Variants in CSTA observed in about 807,000 individuals in gnomAD.
The protein encoded by CSTA is cystatin-A.
Under a neutral mutation model 9.2 loss-of-function variants are expected in CSTA, and 9 were observed. That is an observed-to-expected ratio of 0.97 (90% confidence interval 0.59 to 1.70). CSTA has a LOEUF of 1.70. Ranked by LOEUF, CSTA falls within the 40% of genes most tolerant of loss-of-function variation. The pLI is 0.00. For synonymous variants in CSTA, 36 were observed against 40.6 expected (o/e 0.89, Z 0.43); for missense variants, 118 against 113.1 (o/e 1.04, Z -0.20).
At chr3:122,334,365 G>T (rs548358907) in intron 1 of CSTA, among the ~76,000 whole-genome samples, 29 of 152,204 alleles carry the variant, frequency 1.9e-4, no homozygotes, top group African/African-American at 6.5e-4. Flanking sequence ...AGTAGTAAAG[G>T]TTCAAAACAT....
rs559909731 is a variant in CSTA at position 122,328,464 on chromosome 3, C to T, written c.66+3106C>T. Among the ~76,000 whole-genome samples the T allele has an allele frequency of 1.3e-4, 19 of 142,858 alleles. No homozygotes were observed. The East Asian group carries it at 3.8e-3, about 29-fold the overall frequency. 93.7% of individuals were successfully genotyped at this position (142,858 alleles called of 152,430 possible). On this transcript the variant is annotated intron_variant, in intron 1 of 2. Transcript: ENST00000264474. ...ACAGTGAGCCAAGATCATGACATTG[C>T]ACTCCAGCCTGGGCCACAGAACAAG...
chr3:122,334,009 G>A (rs771157394), intron 1 of CSTA, among the ~76,000 whole-genome samples: 3 of 152,210 alleles, frequency 2.0e-5, no homozygotes, highest in Non-Finnish European at 4.4e-5. Context: ...CTGGTGCCAA[G>A]TACTGGCCAT....
chr3:122,336,308 A>G (rs991136286), intron 1 of CSTA, among the ~76,000 whole-genome samples: 1 of 152,208 alleles, frequency 6.6e-6, no homozygotes, highest in Non-Finnish European at 1.5e-5. Flanking sequence ...TTGTAGAGTC[A>G]GAAAGTAAGG....
Position 122,341,492 on chromosome 3 carries a change from C to T in CSTA, c.222C>T (p.Pro74=), listed in dbSNP as rs374232225. The change falls in exon 3 of 3, where the codon CCC becomes CCT. Residue 74 remains proline (P), a synonymous_variant. Transcript: ENST00000264474. ...YMHLKVFKSL[P]GQNEDLVLTG... is the part of the protein sequence containing the mutation. Reference sequence around the variant, plus strand: ...ACTTGAAAGTATTCAAAAGTCTTCCCGGACAAAATGAGGACTTGGTACTTA... The same window carrying T: ...ACTTGAAAGTATTCAAAAGTCTTCCTGGACAAAATGAGGACTTGGTACTTA... 1.1e-4 allele frequency: 175 copies of T among 1,613,876 alleles called. No individual in the cohort carries two copies. The highest frequency in any genetic ancestry group is 1.3e-4 in the Non-Finnish European group (153 of 1,179,850).
chr3:122,341,143 A>G (rs2075263285), intron 2 of CSTA, among the ~76,000 whole-genome samples: 1 of 151,992 alleles, frequency 6.6e-6, no homozygotes, highest in Admixed American at 6.6e-5. Flanking sequence ...GGATTTCACC[A>G]TGCTGGCCAG....
chr3:122,333,932 AG>A (rs2075222245), intron 1 of CSTA, among the ~76,000 whole-genome samples: 2 of 152,222 alleles, frequency 1.3e-5, no homozygotes, highest in African/African-American at 4.8e-5. Context: ...TCATAAAATG[AG>A]GTTTAAATGG....
chr3:122,341,302 T>A, intron 2 of CSTA, 137 bp from the exon 3 acceptor site: 2 of 846,068 alleles, frequency 2.4e-6, no homozygotes, highest in Non-Finnish European at 1.9e-6. Flanking sequence ...AGTCTAAGAA[T>A]GGTGGACTAG....
At chr3:122,330,036 A>G (rs1293526736) in intron 1 of CSTA, among the ~76,000 whole-genome samples, 1 of 152,192 alleles carries the variant, frequency 6.6e-6, no homozygotes, top group Non-Finnish European at 1.5e-5. Flanking sequence ...CAATTATATC[A>G]TTTATGCCCC....
intron 2 of CSTA, among the ~76,000 whole-genome samples, chr3:122,340,100 A>T (rs987606141): frequency 2.6e-5 from 4 of 152,192 alleles, no homozygotes; most frequent in African/African-American, 9.7e-5. Context: ...TAAACATTTG[A>T]TATATGGCAT....
intron 1 of CSTA, among the ~76,000 whole-genome samples, chr3:122,333,572 A>AAAGAAAGAAAG (rs746963674): frequency 6.7e-6 from 1 of 148,600 alleles, no homozygotes; most frequent in Non-Finnish European, 1.5e-5. Context: ...AGAAAGAAAG[A>AAAGAAAGAAAG]AAGAAAGAAA....
At chr3:122,328,213 T>A (rs558483342) in intron 1 of CSTA, among the ~76,000 whole-genome samples, 85 of 152,282 alleles carry the variant, frequency 5.6e-4, no homozygotes, top group Middle Eastern at 6.8e-3. Flanking sequence ...AAGAGTCACT[T>A]AATTAAACTG....
At chr3:122,339,082 C>G (rs1051388949) in intron 2 of CSTA, among the ~76,000 whole-genome samples, 3 of 152,046 alleles carry the variant, frequency 2.0e-5, no homozygotes, top group African/African-American at 7.2e-5. Context: ...AAGGTCTTGC[C>G]AGTGATGTGA....
Position 122,341,682 on chromosome 3 carries a change from A to T in CSTA, c.*115A>T. The T allele has an allele frequency of 7.7e-7, 1 of 1,294,544 alleles. No individual in the cohort carries two copies. Among genetic ancestry groups the T allele is most frequent in the South Asian group, 1.3e-5 (1 of 78,720 alleles). 80.2% of individuals were successfully genotyped at this position (1,294,544 alleles called of 1,614,324 possible). ...CTTTTCCAAAGAAATTATTTCTTCA[A>T]TTATTTCTCATTTATTGTATTAAGC... On this transcript the variant is annotated 3_prime_UTR_variant, in exon 3 of 3. Transcript: ENST00000264474.
chr3:122,336,229 G>A (rs1576893281), intron 1 of CSTA, among the ~76,000 whole-genome samples: 1 of 152,282 alleles, frequency 6.6e-6, no homozygotes, highest in East Asian at 1.9e-4. Context: ...GGACTCCTTG[G>A]AGAAATAGTT....
chr3:122,326,189 G>T (rs574644941), intron 1 of CSTA, among the ~76,000 whole-genome samples: 10 of 152,004 alleles, frequency 6.6e-5, no homozygotes, highest in African/African-American at 2.2e-4. Flanking sequence ...TGGCTGATTT[G>T]GGGGGTTTTG....
chr3:122,341,430 A>G lies in CSTA; in HGVS notation c.169-9A>G. The stretch of plus-strand genomic sequence containing the variant: ...TCCTTTTGCTTTCTCTTTCTTTAAT[A>G]TTTTTCAGGTACGAGCAGGTGATAA... On this transcript the variant is annotated splice_polypyrimidine_tract_variant and intron_variant, in intron 2 of 2. Coordinates refer to ENST00000264474, the MANE Select transcript of CSTA (RefSeq NM_005213.4). The G allele has an allele frequency of 1.2e-6, 2 of 1,613,718 alleles. No individual in the cohort carries two copies. The highest frequency in any genetic ancestry group is 1.7e-5 in the Admixed American group (1 of 59,996).
At chr3:122,340,972 T>G (rs1032365483) in intron 2 of CSTA, among the ~76,000 whole-genome samples, 1 of 151,138 alleles carries the variant, frequency 6.6e-6, no homozygotes, top group Non-Finnish European at 1.5e-5. Flanking sequence ...GACAAACTCT[T>G]GCTCTATCAC....
At chr3:122,336,691 AG>A (rs1383906885) in intron 1 of CSTA, among the ~76,000 whole-genome samples, 1 of 152,210 alleles carries the variant, frequency 6.6e-6, no homozygotes, top group Non-Finnish European at 1.5e-5. Flanking sequence ...CTAATTACAA[AG>A]GGGAAAAAAA....
chr3:122,339,047 C>T (rs2075250566), intron 2 of CSTA, among the ~76,000 whole-genome samples: 1 of 152,076 alleles, frequency 6.6e-6, no homozygotes, highest in Non-Finnish European at 1.5e-5. Flanking sequence ...CTGTTGATCC[C>T]TTTGCTCTGA....
Sources: gnomAD v4.1 joint callset for allele counts (sites outside exome capture counted in the v4.1 genomes callset) on GRCh38, gnomAD v4.1.1 for gene constraint, MANE v1.5 for transcripts, NCBI Gene and HGNC (gene_info 2026-07-23, HGNC 2026-07-21) for gene names.